PDGFC: variants seen among roughly 807,000 people sequenced by gnomAD.
The protein encoded by PDGFC is platelet derived growth factor C.
A neutral mutation model predicts 35.5 loss-of-function variants in PDGFC; 12 were observed. The ratio of observed to expected loss-of-function variants is 0.34; its 90% confidence interval spans 0.22 to 0.55. PDGFC has a LOEUF of 0.55. Ranked by LOEUF, PDGFC falls within the 20% of genes least tolerant of loss-of-function variation. The pLI is 0.91. For missense variants in PDGFC, 322 were observed against 412.4 expected, an observed-to-expected ratio of 0.78 and a Z score of 1.90; for synonymous variants, 159 against 148.8, an observed-to-expected ratio of 1.07 and a Z score of -0.50.
At chr4:156,823,808 TAAC>T (rs1732339601) in intron 2 of PDGFC, among the ~76,000 whole-genome samples, 1 of 152,150 alleles carries the variant, frequency 6.6e-6, no homozygotes, top group Non-Finnish European at 1.5e-5. Context: ...GTATTCACAG[TAAC>T]TATGATATTA....
chr4:156,809,511 A>C (rs940291724), intron 3 of PDGFC, among the ~76,000 whole-genome samples: 38 of 152,160 alleles, frequency 2.5e-4, no homozygotes, highest in African/African-American at 9.1e-4. Flanking sequence ...TTGCATGATC[A>C]ACTCAGCATT....
At chr4:156,923,171 T>C (rs1466724148) in intron 1 of PDGFC, among the ~76,000 whole-genome samples, 3 of 152,120 alleles carry the variant, frequency 2.0e-5, no homozygotes, top group Middle Eastern at 3.2e-3. Flanking sequence ...GCCTCTCCAG[T>C]TGATCCACTC....
chr4:156,943,611 T>G (rs570372100), intron 1 of PDGFC, among the ~76,000 whole-genome samples: 1 of 152,228 alleles, frequency 6.6e-6, no homozygotes, highest in East Asian at 1.9e-4. Context: ...TCAAACCTTT[T>G]TTTTTCACTC....
At chr4:156,871,321 CT>C (rs200136471) in intron 1 of PDGFC, among the ~76,000 whole-genome samples, 2,764 of 152,176 alleles carry the variant, frequency 0.018, 81 homozygotes, top group African/African-American at 0.061. Flanking sequence ...TTTTCCCCCC[CT>C]GGCAAAGACT....
At chr4:156,815,288 C>A (rs921652873) in intron 2 of PDGFC, among the ~76,000 whole-genome samples, 2 of 149,522 alleles carry the variant, frequency 1.3e-5, no homozygotes, top group African/African-American at 4.9e-5. Flanking sequence ...ATTAAGACAT[C>A]TATGGAATTT....
chr4:156,949,704 T>G (rs2110933689), intron 1 of PDGFC, among the ~76,000 whole-genome samples: 1 of 151,924 alleles, frequency 6.6e-6, no homozygotes, highest in South Asian at 2.1e-4. Flanking sequence ...ATAAAATGAG[T>G]CATAGCACTT....
intron 1 of PDGFC, among the ~76,000 whole-genome samples, chr4:156,866,203 A>G (rs1356746589): frequency 6.6e-6 from 1 of 152,088 alleles, no homozygotes; most frequent in African/African-American, 2.4e-5. Context: ...GAGAACATGC[A>G]GTGTTTGGTT....
intron 1 of PDGFC, among the ~76,000 whole-genome samples, chr4:156,903,273 CAAT>C (rs756832548): frequency 4.7e-4 from 71 of 151,936 alleles, no homozygotes; most frequent in Middle Eastern, 6.8e-3. Context: ...ACAAATTAAA[CAAT>C]AACATTTTCT....
intron 3 of PDGFC, among the ~76,000 whole-genome samples, chr4:156,791,737 T>C (rs1731304388): frequency 6.6e-6 from 1 of 152,210 alleles, no homozygotes; most frequent in Non-Finnish European, 1.5e-5. Flanking sequence ...TTATTTAGCA[T>C]CCCACGTACC....
At chr4:156,801,187 T>G (rs1325502823) in intron 3 of PDGFC, among the ~76,000 whole-genome samples, 1 of 151,320 alleles carries the variant, frequency 6.6e-6, no homozygotes, top group East Asian at 1.9e-4. Context: ...AGAAGCAGAG[T>G]CAGGGTAAAA....
chr4:156,835,353 A>G (rs1271362416), intron 2 of PDGFC, among the ~76,000 whole-genome samples: 1 of 152,218 alleles, frequency 6.6e-6, no homozygotes, highest in Non-Finnish European at 1.5e-5. Flanking sequence ...AGTTCAGCCA[A>G]GCTGAAAATG....
intron 1 of PDGFC, among the ~76,000 whole-genome samples, chr4:156,911,013 C>A (rs1010539045): frequency 6.6e-5 from 10 of 152,092 alleles, no homozygotes; most frequent in African/African-American, 1.9e-4. Flanking sequence ...ATCCTCTTAA[C>A]GCGGTGTTTT....
intron 1 of PDGFC, among the ~76,000 whole-genome samples, chr4:156,955,615 G>A: frequency 6.6e-6 from 1 of 151,966 alleles, no homozygotes; most frequent in East Asian, 1.9e-4. Flanking sequence ...AATCAAACCT[G>A]ATTAATTTAT....
intron 2 of PDGFC, among the ~76,000 whole-genome samples, chr4:156,827,806 C>A (rs527929899): frequency 6.7e-6 from 1 of 150,152 alleles, no homozygotes; most frequent in Non-Finnish European, 1.5e-5. Context: ...ACTGTTATCA[C>A]CAAAGACAAT....
intron 1 of PDGFC, among the ~76,000 whole-genome samples, chr4:156,931,868 C>CT (rs1024637714): frequency 5.3e-5 from 8 of 151,574 alleles, no homozygotes; most frequent in African/African-American, 1.9e-4. Flanking sequence ...GTGGAATGTA[C>CT]TTTTATCTTT....
intron 1 of PDGFC, among the ~76,000 whole-genome samples, chr4:156,896,064 G>T (rs1730627212): frequency 6.6e-6 from 1 of 152,026 alleles, no homozygotes; most frequent in Non-Finnish European, 1.5e-5. Flanking sequence ...TAATAAAAAT[G>T]ATATCAGGAT....
intron 1 of PDGFC, among the ~76,000 whole-genome samples, chr4:156,900,305 C>T (rs1730736188): frequency 6.6e-6 from 1 of 152,154 alleles, no homozygotes; most frequent in Non-Finnish European, 1.5e-5. Context: ...AAGAGCAATG[C>T]CATGCATTTA....
intron 1 of PDGFC, among the ~76,000 whole-genome samples, chr4:156,943,301 C>T (rs138518145): frequency 1.8e-4 from 27 of 152,168 alleles, no homozygotes; most frequent in African/African-American, 6.3e-4. Flanking sequence ...TGGTATCAAC[C>T]TTGATATTAT....
chr4:156,928,436 T>TA (rs1277963407), intron 1 of PDGFC, among the ~76,000 whole-genome samples: 1 of 152,132 alleles, frequency 6.6e-6, no homozygotes, highest in Non-Finnish European at 1.5e-5. Flanking sequence ...ACCGTGGGAT[T>TA]ACTAGCTACT....
Sources: gnomAD v4.1 joint callset for allele counts (sites outside exome capture counted in the v4.1 genomes callset) on GRCh38, gnomAD v4.1.1 for gene constraint, MANE v1.5 for transcripts, NCBI Gene and HGNC (gene_info 2026-07-23, HGNC 2026-07-21) for gene names.